NDFIP1: variants seen among roughly 807,000 people sequenced by gnomAD.
The protein encoded by NDFIP1 is Nedd4 family interacting protein 1.
In NDFIP1, 7 loss-of-function variants were observed where a neutral mutation model predicts 28.8. The ratio of observed to expected loss-of-function variants is 0.24; its 90% CI spans 0.14 to 0.46. The LOEUF (loss-of-function observed/expected upper bound fraction) is 0.46, where lower values mean the gene tolerates loss of function less well. Ranked by LOEUF, NDFIP1 falls within the 20% of genes least tolerant of loss-of-function variation. The pLI, the probability that NDFIP1 is intolerant of heterozygous loss-of-function variation, is 0.99. For missense variants in NDFIP1, 194 were observed against 269.1 expected (o/e 0.72, Z 1.95); for synonymous variants, 92 against 101.0 (o/e 0.91, Z 0.53).
chr5:142,144,310 C>G (rs1480819829), intron 6 of NDFIP1: 1 of 244,006 alleles, frequency 4.1e-6, no homozygotes, highest in Non-Finnish European at 7.9e-6. Flanking sequence ...TGTTTGGCTC[C>G]ATCTTATTTT....
At chr5:142,134,126 C>G (rs2043280) in intron 3 of NDFIP1, 102,635 of 152,008 alleles carry the variant, frequency 0.68, 34,982 homozygotes, top group African/African-American at 0.78. Context: ...GTTAGATGGG[C>G]GTATTTAAAC....
At chr5:142,143,819 A>C (rs1182325442) in intron 6 of NDFIP1, 1 of 152,116 alleles carries the variant, frequency 6.6e-6, no homozygotes, top group Non-Finnish European at 1.5e-5. Context: ...TGAGCAACAT[A>C]GCGAGACCCC....
chr5:142,145,143 A>C (rs1757374291), intron 7 of NDFIP1, among the ~76,000 whole-genome samples: 1 of 152,228 alleles, frequency 6.6e-6, no homozygotes, highest in Non-Finnish European at 1.5e-5. Context: ...AAGCCCACCA[A>C]GTCTTCCATC....
At chr5:142,115,167 C>G (rs765043419) in intron 1 of NDFIP1, among the ~76,000 whole-genome samples, 8 of 152,156 alleles carry the variant, frequency 5.3e-5, no homozygotes, top group Non-Finnish European at 1.2e-4. Context: ...CCAAGAGATT[C>G]AAGTGACATC....
chr5:142,113,772 G>A (rs571617877), intron 1 of NDFIP1, among the ~76,000 whole-genome samples: 8 of 152,168 alleles, frequency 5.3e-5, no homozygotes, highest in East Asian at 3.9e-4. Context: ...TTTGACTACC[G>A]TAGGTACCTC....
chr5:142,132,889 G>A (rs1757240841), intron 3 of NDFIP1, among the ~76,000 whole-genome samples: 1 of 152,216 alleles, frequency 6.6e-6, no homozygotes, highest in Non-Finnish European at 1.5e-5. Flanking sequence ...AGATTATTGG[G>A]CACTCTTGGT....
intron 1 of NDFIP1, among the ~76,000 whole-genome samples, chr5:142,115,311 GTCTT>G (rs1361006920): frequency 2.0e-5 from 3 of 152,244 alleles, no homozygotes; most frequent in Middle Eastern, 6.8e-3. Flanking sequence ...GAGATGGAGT[GTCTT>G]TCTTCTTGCT....
intron 3 of NDFIP1, among the ~76,000 whole-genome samples, chr5:142,132,979 T>C (rs1010557811): frequency 2.0e-5 from 3 of 152,204 alleles, no homozygotes; most frequent in Admixed American, 1.3e-4. Flanking sequence ...AGGTAGGGCA[T>C]TGTGGGAGAA....
chr5:142,145,855 C>T (rs1214829774), intron 7 of NDFIP1, among the ~76,000 whole-genome samples: 1 of 152,166 alleles, frequency 6.6e-6, no homozygotes, highest in Non-Finnish European at 1.5e-5. Flanking sequence ...CGAATTTGTT[C>T]TGTACTCGCA....
chr5:142,119,720 A>G (rs529381110), intron 1 of NDFIP1, among the ~76,000 whole-genome samples: 108 of 152,280 alleles, frequency 7.1e-4, no homozygotes, highest in African/African-American at 2.5e-3. Context: ...AAGTACCTTT[A>G]AAGAAAATTT....
In NDFIP1 at chr5:142,131,699, A is replaced by G. The variant is rs760893761; in HGVS notation, c.64-109A>G. The G allele has an allele frequency of 1.2e-5, 9 of 755,434 alleles. No homozygotes were observed. The East Asian group carries it at 1.8e-4, about 15-fold the overall frequency. 46.8% of individuals were successfully genotyped at this position (755,434 alleles called of 1,614,324 possible). On this transcript the variant is annotated intron_variant, in intron 1 of 7. Coordinates refer to ENST00000253814, the MANE Select transcript of NDFIP1 (RefSeq NM_030571.4). Reference sequence around the variant, plus strand: ...AGGATTTGTGCATTTCAAGGCTTTCAAAATACGTTGCCAAATAGCTTTCGA... The same window carrying G: ...AGGATTTGTGCATTTCAAGGCTTTCGAAATACGTTGCCAAATAGCTTTCGA...
At chr5:142,139,139 G>T (rs931589355) in intron 5 of NDFIP1, among the ~76,000 whole-genome samples, 1 of 150,978 alleles carries the variant, frequency 6.6e-6, no homozygotes, top group Non-Finnish European at 1.5e-5. Context: ...AGAATGGCGT[G>T]AACCCAGGAG....
intron 1 of NDFIP1, among the ~76,000 whole-genome samples, chr5:142,114,914 TA>T: frequency 6.6e-6 from 1 of 152,340 alleles, no homozygotes; most frequent in African/African-American, 2.4e-5. Flanking sequence ...TTATTTGGCT[TA>T]ATCATACTAT....
intron 6 of NDFIP1, 97 bp downstream of exon 6, chr5:142,140,726 G>A: frequency 1.1e-6 from 1 of 904,212 alleles, no homozygotes. Context: ...TTACTGTATA[G>A]TAATATATTA....
chr5:142,130,190 T>C (rs1317129976), intron 1 of NDFIP1, among the ~76,000 whole-genome samples: 1 of 152,232 alleles, frequency 6.6e-6, no homozygotes, highest in Non-Finnish European at 1.5e-5. Flanking sequence ...AACTCATGTT[T>C]TAAATTAATA....
chr5:142,112,059 T>G (rs1757019369), intron 1 of NDFIP1, among the ~76,000 whole-genome samples: 1 of 149,904 alleles, frequency 6.7e-6, no homozygotes, highest in African/African-American at 2.5e-5. Flanking sequence ...AGAGTGGGAC[T>G]GTCTCAAAAA....
In NDFIP1 at chr5:142,109,006, T is replaced by C; in HGVS notation, c.32T>C (p.Val11Ala). The C allele has an allele frequency of 6.9e-7, 1 of 1,441,666 alleles. No individual in the cohort carries two copies. The highest frequency in any genetic ancestry group is 9.1e-7 in the Non-Finnish European group (1 of 1,100,220). 89.3% of individuals were successfully genotyped at this position (1,441,666 alleles called of 1,614,324 possible). MALALAALAA[V>A]EPACGSRYQQ... is the part of the protein sequence containing the mutation. ...TTGGCGTTGGCGGCGCTGGCGGCGG[T>C]CGAGCCGGCCTGCGGCAGCCGGTAC... The change falls in exon 1 of 8, where the codon GTC (valine) becomes GCC (alanine). Residue 11 changes from valine (V) to alanine (A), a missense_variant. Val to Ala is a moderately conservative substitution (Grantham distance 64). Coordinates refer to ENST00000253814, the MANE Select transcript of NDFIP1 (RefSeq NM_030571.4).
intron 1 of NDFIP1, among the ~76,000 whole-genome samples, chr5:142,118,996 C>G (rs756423213): frequency 1.3e-5 from 2 of 152,170 alleles, no homozygotes; most frequent in South Asian, 2.1e-4. Context: ...AAACCAAGAT[C>G]TGTGCTCCTT....
chr5:142,119,324 C>G (rs572564075), intron 1 of NDFIP1, among the ~76,000 whole-genome samples: 1 of 152,228 alleles, frequency 6.6e-6, no homozygotes, highest in Non-Finnish European at 1.5e-5. Context: ...AACCCACACC[C>G]CTGTGGGAAA....
Sources: allele counts gnomAD v4.1 joint callset (sites outside exome capture counted in the v4.1 genomes callset), GRCh38; gene constraint gnomAD v4.1.1; transcripts MANE v1.5; gene names NCBI Gene and HGNC (gene_info 2026-07-23, HGNC 2026-07-21).